The following NMU variants were observed in gnomAD, a reference collection of about 807,000 sequenced individuals.
The protein encoded by NMU is neuromedin-U.
In NMU, 29 loss-of-function variants were observed where a neutral mutation model predicts 35.4. That is an observed-to-expected ratio of 0.82 (90% confidence interval 0.61 to 1.12). NMU has a LOEUF of 1.12. NMU is among the 50% of genes most tolerant of loss of function. NMU has a pLI of 0.00. For synonymous variants in NMU, 78 were observed against 81.3 expected, an observed-to-expected ratio of 0.96 and a Z score of 0.22; for missense variants, 199 against 206.2, an observed-to-expected ratio of 0.97 and a Z score of 0.21.
In NMU at chr4:55,607,322, CTG is replaced by C; in HGVS notation, c.334_335del (p.Gln112GlufsTer24). On this transcript the variant is annotated frameshift_variant, in exon 6 of 10. Transcript: ENST00000264218. LOFTEE classifies it high-confidence loss of function. ...KRFLFHYSKT[Q>X]KLGKSNVVSS... Reference sequence around the variant, plus strand: ...CCACAACATTTGACTTGCCCAACTTCTGTGTCTTCGAATAATGAAATAAGAAC... The same window carrying C: ...CCACAACATTTGACTTGCCCAACTTCTGTCTTCGAATAATGAAATAAGAAC... 1 of 1,608,384 alleles carries C rather than the reference CTG, an allele frequency of 6.2e-7. No individual in the cohort carries two copies. Among genetic ancestry groups the C allele is most frequent in the African/African-American group, 1.3e-5 (1 of 74,898 alleles).
chr4:55,618,899 T>G (rs1417410057), intron 2 of NMU, among the ~76,000 whole-genome samples: 1 of 148,916 alleles, frequency 6.7e-6, no homozygotes, highest in African/African-American at 2.5e-5. Context: ...TTTTTTTTTG[T>G]CTGGCTGTCA....
rs578218369 is a variant in NMU at position 55,636,132 on chromosome 4, G to C, written c.61C>G (p.Pro21Ala). The change falls in exon 1 of 10, where the codon CCG becomes GCG. Residue 21 changes from proline to alanine, a missense_variant. Pro to Ala is a conservative substitution (Grantham distance 27). Coordinates refer to ENST00000264218, the MANE Select transcript of NMU (RefSeq NM_006681.4). The surrounding 1 kb of genome is among the most constrained non-coding windows in gnomAD (Gnocchi z 4.0). ...AGCAGCAGCAGCAGCAGCAGGAGCG[G>C]GGACGCCGCGGCCACCTGTCCGGCG... ...SPAGQVAAAS[P>A]LLLLLLLLAW... is the part of the protein sequence containing the mutation. 125 of 1,524,980 alleles carry C rather than the reference G, an allele frequency of 8.2e-5. No individual in the cohort carries two copies. In the African/African-American group the frequency reaches 1.6e-3, roughly 19 times the overall value. 94.5% of individuals were successfully genotyped at this position (1,524,980 alleles called of 1,614,324 possible).
intron 7 of NMU, among the ~76,000 whole-genome samples, chr4:55,602,544 C>T (rs1035436739): frequency 6.6e-6 from 1 of 152,144 alleles, no homozygotes; most frequent in African/African-American, 2.4e-5. Context: ...TTGTAAATCA[C>T]GGCACTGAAA....
At chr4:55,597,645 C>T (rs1339221880) in intron 9 of NMU, among the ~76,000 whole-genome samples, 1 of 152,272 alleles carries the variant, frequency 6.6e-6, no homozygotes, top group Non-Finnish European at 1.5e-5. Flanking sequence ...GGATTACAGG[C>T]GTGAGCCACC....
rs190896534 is a variant in NMU at position 55,626,692 on chromosome 4, A to G, written c.171+3710T>C. Among the ~76,000 whole-genome samples the G allele has an allele frequency of 1.1e-3, 175 of 152,344 alleles. 1 individual carries two copies. The highest frequency in any genetic ancestry group is 3.9e-3 in the African/African-American group (161 of 41,574). ...CACTGTACTCCAGCCTGGGCAACAG[A>G]GCGAGACCCTGTCTCAAAAACAAAA... On this transcript the variant is annotated intron_variant, in intron 2 of 9. Coordinates refer to ENST00000264218, the MANE Select transcript of NMU (RefSeq NM_006681.4).
chr4:55,636,058 G>C lies in NMU; in HGVS notation c.112+23C>G, dbSNP rs191242404. On this transcript the variant is annotated intron_variant, in intron 1 of 9. Transcript: ENST00000264218. The surrounding 1 kb of genome is among the most constrained non-coding windows in gnomAD (Gnocchi z 4.0). ...AGAGAGGCGCGCATGGCGTGGAAGC[G>C]GCCGGGTGCGGGGCCGTCTTACCTC... The C allele has an allele frequency of 7.8e-3, 11,996 of 1,531,616 alleles. 64 individuals carry two copies. The highest frequency in any genetic ancestry group is 8.8e-3 in the Non-Finnish European group (10,054 of 1,145,596). 94.9% of individuals were successfully genotyped at this position (1,531,616 alleles called of 1,614,324 possible).
At chr4:55,613,656 C>T (rs1734016589) in intron 3 of NMU, among the ~76,000 whole-genome samples, 1 of 152,162 alleles carries the variant, frequency 6.6e-6, no homozygotes, top group South Asian at 2.1e-4. Context: ...AACGCAGACA[C>T]TGAGTGTGGC....
intron 2 of NMU, among the ~76,000 whole-genome samples, chr4:55,626,147 G>A (rs191767867): frequency 2.0e-5 from 3 of 152,278 alleles, no homozygotes; most frequent in South Asian, 2.1e-4. Context: ...TAACATTTGC[G>A]ATTAACTAGA....
At chr4:55,595,639 ATATATT>A (rs1560509238) in intron 9 of NMU, among the ~76,000 whole-genome samples, 1 of 89,592 alleles carries the variant, frequency 1.1e-5, no homozygotes, top group Non-Finnish European at 2.1e-5. Flanking sequence ...ATATATATAT[ATATATT>A]TTTTTTTTTT....
At chr4:55,614,034 C>T (rs1734028120) in intron 3 of NMU, among the ~76,000 whole-genome samples, 1 of 152,162 alleles carries the variant, frequency 6.6e-6, no homozygotes, top group African/African-American at 2.4e-5. Flanking sequence ...AAGCACCATT[C>T]CAAAGAGATG....
chr4:55,602,159 G>T (rs1196000864), intron 7 of NMU, among the ~76,000 whole-genome samples: 1 of 152,014 alleles, frequency 6.6e-6, no homozygotes, highest in African/African-American at 2.4e-5. Flanking sequence ...CATTAGCATA[G>T]AGCATCATAT....
intron 9 of NMU, among the ~76,000 whole-genome samples, 152 bp from the exon 10 acceptor site, chr4:55,595,563 T>TATATATAC (rs755203914): frequency 1.2e-3 from 149 of 120,050 alleles, no homozygotes; most frequent in African/African-American, 3.6e-3. Flanking sequence ...TATATATATA[T>TATATATAC]ACACACACAC....
rs1185696087 is a variant in NMU, at chr4:55,607,333, A to C, written c.325T>G (p.Ser109Ala). The C allele has an allele frequency of 6.2e-7, 1 of 1,607,280 alleles. No homozygotes were observed. The highest frequency in any genetic ancestry group is 1.7e-5 in the Admixed American group (1 of 59,970). ...DNTKRFLFHYSKTQKLGKSNV... is the reference protein window; with the variant it reads ...DNTKRFLFHYAKTQKLGKSNV... Reference sequence around the variant, plus strand: ...GACTTGCCCAACTTCTGTGTCTTCGAATAATGAAATAAGAACTGTTTAAAA... The same window carrying C: ...GACTTGCCCAACTTCTGTGTCTTCGCATAATGAAATAAGAACTGTTTAAAA... Residue 109 changes from serine to alanine, a missense_variant, in exon 6 of 10, where the codon TCG (serine) becomes GCG (alanine). Ser to Ala is a moderately conservative substitution (Grantham distance 99). Transcript: ENST00000264218.
At chr4:55,603,926 AATATATAT>A (rs766633520) in intron 7 of NMU, among the ~76,000 whole-genome samples, 1 of 43,494 alleles carries the variant, frequency 2.3e-5, no homozygotes, top group Admixed American at 3.2e-4. Context: ...AAAAAAAAAA[AATATATAT>A]ATATATATAT....
intron 1 of NMU, among the ~76,000 whole-genome samples, chr4:55,633,640 T>C (rs1715733713): frequency 1.3e-5 from 2 of 152,246 alleles, no homozygotes; most frequent in South Asian, 4.1e-4. Context: ...CTGGAAATAA[T>C]AACTTGTATA....
At chr4:55,608,174 C>CA (rs3035745) in intron 4 of NMU, among the ~76,000 whole-genome samples, 13,279 of 110,380 alleles carry the variant, frequency 0.12, 1,351 homozygotes, top group African/African-American at 0.26. Flanking sequence ...GACTCCATCT[C>CA]AAAAAAAAAA....
rs530729455 is a variant in NMU at position 55,630,451 on chromosome 4, A to C, written c.122T>G (p.Ile41Arg). ...WCAGACRGAP[I>R]LPQGLQPEQQ... is the part of the protein sequence containing the mutation. ...TTCAGGCTGTAATCCTTGAGGTAAT[A>C]TTGGAGCACCTAAAAATAAAGTTGT... Residue 41 changes from isoleucine to arginine, a missense_variant, in exon 2 of 10, where the codon ATA (isoleucine) becomes AGA (arginine). Ile to Arg is a moderately conservative substitution (Grantham distance 97, BLOSUM62 -3). Transcript: ENST00000264218. The C allele has an allele frequency of 6.2e-7, 1 of 1,611,642 alleles. No individual in the cohort carries two copies. Among genetic ancestry groups the C allele is most frequent in the African/African-American group, 1.3e-5 (1 of 74,990 alleles).
chr4:55,613,705 G>A (rs1734018601), intron 3 of NMU, among the ~76,000 whole-genome samples: 1 of 152,098 alleles, frequency 6.6e-6, no homozygotes, highest in African/African-American at 2.4e-5. Flanking sequence ...GGCCAGTGAG[G>A]CATGAGTAAA....
chr4:55,599,828 C>G (rs1382182750), intron 8 of NMU, among the ~76,000 whole-genome samples: 1 of 152,124 alleles, frequency 6.6e-6, no homozygotes, highest in Admixed American at 6.6e-5. Context: ...TCACACAGTA[C>G]TTTATATTTG....
Sources: gnomAD v4.1 joint callset for allele counts (sites outside exome capture counted in the v4.1 genomes callset) on GRCh38, gnomAD v4.1.1 for gene constraint, Gnocchi (gnomAD v3.1) non-coding constraint, MANE v1.5 for transcripts, NCBI Gene and HGNC (gene_info 2026-07-23, HGNC 2026-07-21) for gene names.